Variants in ZNF350 observed in about 807,000 individuals in gnomAD.
ZNF350 encodes the protein zinc finger protein 350.
A neutral mutation model predicts 13.1 loss-of-function variants in ZNF350; 5 were observed. The observed-to-expected ratio is 0.38, with a 90% confidence interval of 0.20 to 0.80. The LOEUF is 0.80. Among genes scored for constraint, ZNF350 ranks in the 30% least tolerant of loss-of-function variants. The pLI is 0.43. For synonymous variants in ZNF350, 199 were observed against 224.2 expected, an observed-to-expected ratio of 0.89 and a Z score of 1.00; for missense variants, 534 against 644.2, an observed-to-expected ratio of 0.83 and a Z score of 1.85.
intron 2 of ZNF350, among the ~76,000 whole-genome samples, chr19:51,970,411 G>A (rs745959355): frequency 8.5e-5 from 13 of 152,058 alleles, no homozygotes; most frequent in Non-Finnish European, 1.8e-4. Flanking sequence ...CTAATACAAT[G>A]TAAATGGTAT....
intron 1 of ZNF350, among the ~76,000 whole-genome samples, chr19:51,975,786 G>A (rs919322353): frequency 6.6e-6 from 1 of 152,216 alleles, no homozygotes; most frequent in African/African-American, 2.4e-5. Flanking sequence ...TGTCGCCCAG[G>A]CTGGAGTGCA....
intron 2 of ZNF350, among the ~76,000 whole-genome samples, chr19:51,970,044 C>A (rs1485411002): frequency 6.7e-6 from 1 of 150,036 alleles, no homozygotes; most frequent in Non-Finnish European, 1.5e-5. Flanking sequence ...AGGCATGTGA[C>A]ACTACGCCTG....
chr19:51,984,476 C>T (rs748488348), intron 1 of ZNF350, among the ~76,000 whole-genome samples: 10 of 152,232 alleles, frequency 6.6e-5, no homozygotes, highest in East Asian at 3.9e-4. Flanking sequence ...TCTATTTAGA[C>T]GGAGTTTATA....
intron 2 of ZNF350, 84 bp downstream of exon 2, chr19:51,974,262 A>AT (rs1221920260): frequency 6.8e-7 from 1 of 1,461,996 alleles, no homozygotes; most frequent in Non-Finnish European, 9.4e-7. Context: ...TATACTTTTT[A>AT]TATTAGTGAA....
In ZNF350 at chr19:51,976,159, G is replaced by A. The variant is rs1402697624; in HGVS notation, c.-171-1628C>T. On this transcript the variant is annotated intron_variant, in intron 1 of 4. Transcript: ENST00000243644. The surrounding 1 kb of genome is among the most constrained non-coding windows in gnomAD (Gnocchi z 4.5). Reference sequence around the variant, plus strand: ...TGCAAGACTACTCTGGACCCCTGGCGCCGTTATCTACTGCGACATCTAGAG... The same window carrying A: ...TGCAAGACTACTCTGGACCCCTGGCACCGTTATCTACTGCGACATCTAGAG... Among the ~76,000 whole-genome samples, 2 of 138,868 alleles carry A rather than the reference G, an allele frequency of 1.4e-5. No homozygotes were observed. Among genetic ancestry groups the A allele is most frequent in the East Asian group, 2.1e-4 (1 of 4,778 alleles). The allele number at this position is 138,868 out of a possible 152,430, so 91.1% of individuals were successfully genotyped here. A position where few individuals can be genotyped will look rare whatever the true frequency, so the allele number is the denominator to read the frequency against.
At chr19:51,970,046 C>T (rs112314008) in intron 2 of ZNF350, among the ~76,000 whole-genome samples, 3,918 of 149,192 alleles carry the variant, frequency 0.026, 171 homozygotes, top group African/African-American at 0.092. Flanking sequence ...GCATGTGACA[C>T]TACGCCTGGC....
intron 1 of ZNF350, among the ~76,000 whole-genome samples, chr19:51,985,724 A>AG (rs1229137516): frequency 1.3e-5 from 2 of 152,240 alleles, no homozygotes; most frequent in Non-Finnish European, 2.9e-5. Flanking sequence ...TAAGAAGTGA[A>AG]GGCCGGGCGC....
chr19:51,983,284 G>A (rs2086094809), intron 1 of ZNF350, among the ~76,000 whole-genome samples: 2 of 152,130 alleles, frequency 1.3e-5, no homozygotes, highest in Admixed American at 1.3e-4. Context: ...AAGAAAGCCT[G>A]GGTATTGTCC....
intron 2 of ZNF350, among the ~76,000 whole-genome samples, chr19:51,971,176 A>G (rs756469442): frequency 2.9e-4 from 44 of 152,216 alleles, no homozygotes; most frequent in Admixed American, 9.8e-4. Context: ...GGTACACTCT[A>G]TACTCATTTT....
In ZNF350 at chr19:51,966,185, G is replaced by A. The variant is rs61762980; in HGVS notation, c.268C>T (p.Arg90Cys). The stretch of plus-strand genomic sequence containing the variant: ...TTCACCAGGCTTTCACTCTGCAAGC[G>A]CTCCAGCACATGATCAACTTTCCAT... ...DIWKVDHVLE[R>C]LQSESLVNRR... is the part of the protein sequence containing the mutation. The change falls in exon 5 of 5, where the codon CGC becomes TGC. Residue 90 changes from arginine (R) to cysteine (C), a missense_variant. Arg to Cys is a radical substitution (Grantham distance 180). Transcript: ENST00000243644. 2,204 of 1,590,064 alleles carry A rather than the reference G, an allele frequency of 1.4e-3. 27 individuals carry two copies. In the African/African-American group the frequency reaches 0.027, roughly 20 times the overall value.
chr19:51,972,061 G>A (rs1175696079), intron 2 of ZNF350, among the ~76,000 whole-genome samples: 2 of 152,152 alleles, frequency 1.3e-5, no homozygotes, highest in Non-Finnish European at 2.9e-5. Context: ...ATAGACAAAT[G>A]TAATGGGATT....
intron 1 of ZNF350, among the ~76,000 whole-genome samples, chr19:51,979,844 C>T (rs1418364991): frequency 1.3e-5 from 2 of 152,198 alleles, no homozygotes; most frequent in Non-Finnish European, 2.9e-5. Flanking sequence ...AATGCTTCTT[C>T]TTTATACAAC....
chr19:51,965,289 C>G lies in ZNF350; in HGVS notation c.1164G>C (p.Lys388Asn). The G allele has an allele frequency of 6.2e-7, 1 of 1,614,036 alleles. No homozygotes were observed. The highest frequency in any genetic ancestry group is 8.5e-7 in the Non-Finnish European group (1 of 1,179,904). ...TATGAGTCCTTTGATGGACAATGAG[C>G]TTTTGCTTTGTGCTAAAGGCTTTCC... ...ECGKAFSTKQKLIVHQRTHTG... is the reference protein window; with the variant it reads ...ECGKAFSTKQNLIVHQRTHTG... The change falls in exon 5 of 5, where the codon AAG becomes AAC. Residue 388 changes from lysine to asparagine, a missense_variant. Coordinates refer to ENST00000243644, the MANE Select transcript of ZNF350 (RefSeq NM_021632.4).
Position 51,965,088 on chromosome 19 carries a change from G to A in ZNF350, c.1365C>T (p.Asn455=), listed in dbSNP as rs2085527117. 6.2e-7 allele frequency: 1 copy of A among 1,614,066 alleles called. No individual in the cohort carries two copies. Among genetic ancestry groups the A allele is most frequent in the African/African-American group, 1.3e-5 (1 of 74,916 alleles). Residue 455 remains asparagine (N), a synonymous_variant, in exon 5 of 5, where the codon AAC becomes AAT. Transcript: ENST00000243644. The part of the protein sequence containing the change: ...LHTSDVMQEK[N]SANGATTQVP... ...CTTGTGTAGTCGCCCCGTTAGCAGA[G>A]TTTTTCTCCTGCATGACATCACTGG...
At chr19:51,970,186 C>T (rs934612821) in intron 2 of ZNF350, among the ~76,000 whole-genome samples, 20 of 151,736 alleles carry the variant, frequency 1.3e-4, no homozygotes, top group East Asian at 3.9e-4. Context: ...CTCAGCCTCC[C>T]GAGTAGCTAG....
At position 51,965,056 on chromosome 19, in the gene ZNF350, G is replaced by A. The variant is rs766961471; in HGVS notation, c.1397C>T (p.Ser466Phe). 1 of 1,614,070 alleles carries A rather than the reference G, an allele frequency of 6.2e-7. No homozygotes were observed. The highest frequency in any genetic ancestry group is 8.5e-7 in the Non-Finnish European group (1 of 1,180,042). Reference protein sequence around the residue: ...SANGATTQVPSVAPQTSLNIS... With the variant: ...SANGATTQVPFVAPQTSLNIS... ...GTTTAATGATGTCTGAGGGGCCACA[G>A]AAGGCACTTGTGTAGTCGCCCCGTT... is the stretch of plus-strand genomic sequence containing the variant. The change falls in exon 5 of 5, where the codon TCT becomes TTT. Residue 466 changes from serine (S) to phenylalanine (F), a missense_variant. Ser to Phe is a radical substitution (Grantham distance 155). Transcript: ENST00000243644.
intron 1 of ZNF350, among the ~76,000 whole-genome samples, chr19:51,983,548 A>G (rs2086103022): frequency 6.6e-6 from 1 of 152,220 alleles, no homozygotes; most frequent in South Asian, 2.1e-4. Flanking sequence ...ACTAAAGGTG[A>G]GACATACTGG....
At position 51,965,627 on chromosome 19, in the gene ZNF350, G is replaced by A. The variant is rs928651901; in HGVS notation, c.826C>T (p.Arg276Trp). ...ECGKAFLKKS[R>W]LNIHQKTHTG... ...TGTGTTTTCTGATGTATGTTGAGCC[G>A]TGATTTCTTGAGAAAGGCTTTGCCA... Residue 276 changes from arginine to tryptophan, a missense_variant, in exon 5 of 5, where the codon CGG (arginine) becomes TGG (tryptophan). Transcript: ENST00000243644. 22 of 1,614,002 alleles carry A rather than the reference G, an allele frequency of 1.4e-5. No individual in the cohort carries two copies. Among genetic ancestry groups the A allele is most frequent in the African/African-American group, 4.0e-5 (3 of 74,898 alleles).
rs994827271 is a variant in ZNF350 at position 51,965,813 on chromosome 19, C to T, written c.640G>A (p.Ala214Thr). Residue 214 changes from alanine to threonine, a missense_variant, in exon 5 of 5, where the codon GCC becomes ACC. Transcript: ENST00000243644. Reference protein sequence around the residue: ...KHHVCSECGKAFIKKSWLTDH... With the variant: ...KHHVCSECGKTFIKKSWLTDH... ...GTTAGCCAAGACTTCTTGATGAAGG[C>T]TTTCCCACATTCACTGCACACATGA... 3 of 1,613,882 alleles carry T rather than the reference C, an allele frequency of 1.9e-6. No homozygotes were observed. In the Middle Eastern group the frequency reaches 4.9e-4, roughly 265 times the overall value.
Sources: allele counts gnomAD v4.1 joint callset (sites outside exome capture counted in the v4.1 genomes callset), GRCh38; gene constraint gnomAD v4.1.1; non-coding constraint Gnocchi (gnomAD v3.1); transcripts MANE v1.5; gene names NCBI Gene and HGNC (gene_info 2026-07-23, HGNC 2026-07-21).